PCDH15: variants seen among roughly 807,000 people sequenced by gnomAD.
PCDH15 encodes protocadherin related 15.
PCDH15 carries 129 observed loss-of-function variants against 178.5 expected under a neutral mutation model. The observed-to-expected ratio is 0.72, with a 90% CI of 0.63 to 0.84. PCDH15 has a LOEUF of 0.84. Ranked by LOEUF, PCDH15 falls within the 40% of genes least tolerant of loss-of-function variation. The pLI is 0.00. For synonymous variants in PCDH15, 800 were observed against 732.0 expected, an observed-to-expected ratio of 1.09 and a Z score of -1.50; for missense variants, 2,230 against 2,099.9, an observed-to-expected ratio of 1.06 and a Z score of -1.21.
At chr10:55,415,560 C>G (rs1402592158) in intron 2 of PCDH15, among the ~76,000 whole-genome samples, 2 of 151,596 alleles carry the variant, frequency 1.3e-5, no homozygotes, top group Non-Finnish European at 3.0e-5. Flanking sequence ...GTATGCTAAA[C>G]AAGGGTCACC....
At position 53,908,801 on chromosome 10, in the gene PCDH15, T is replaced by C. The variant is rs142916335; in HGVS notation, c.3374-5431A>G. 1.8e-4 allele frequency among the ~76,000 whole-genome samples: 28 copies of C among 152,334 alleles called. No homozygotes were observed. The East Asian group carries it at 5.4e-3, about 29-fold the overall frequency. On this transcript the variant is annotated intron_variant, in intron 25 of 37. Coordinates refer to ENST00000644397, the MANE Select transcript of PCDH15 (RefSeq NM_001384140.1). ...TTAAAATTGTTATCATGATAAATGA[T>C]TTATAGATTCTTCAAACAGTCCTAT...
At chr10:55,040,440 T>C (rs1002794131) in intron 2 of PCDH15, among the ~76,000 whole-genome samples, 1 of 151,738 alleles carries the variant, frequency 6.6e-6, no homozygotes, top group African/African-American at 2.4e-5. Context: ...CCCAATGCAG[T>C]GAGTGACTTG....
intron 15 of PCDH15, among the ~76,000 whole-genome samples, chr10:54,132,668 T>C (rs1455286691): frequency 2.6e-5 from 4 of 152,326 alleles, no homozygotes; most frequent in Middle Eastern, 3.4e-3. Context: ...AGTTCTTCAA[T>C]TGTGGCGATC....
At chr10:54,961,877 G>T (rs937423718) in intron 2 of PCDH15, among the ~76,000 whole-genome samples, 1 of 152,030 alleles carries the variant, frequency 6.6e-6, no homozygotes, top group African/African-American at 2.4e-5. Context: ...TACTCACTTC[G>T]GGTCTTCTCT....
intron 11 of PCDH15, among the ~76,000 whole-genome samples, chr10:54,190,488 C>G (rs544117934): frequency 6.6e-6 from 1 of 152,296 alleles, no homozygotes; most frequent in African/African-American, 2.4e-5. Context: ...ACTGCAGCCT[C>G]GAACCAGTGG....
intron 26 of PCDH15, among the ~76,000 whole-genome samples, chr10:53,875,431 TCA>T (rs935483025): frequency 2.1e-4 from 32 of 152,118 alleles, no homozygotes; most frequent in African/African-American, 6.7e-4. Context: ...TAAAACTGAC[TCA>T]CTGTGGAAAC....
intron 2 of PCDH15, among the ~76,000 whole-genome samples, chr10:54,557,851 G>A (rs2087508581): frequency 6.6e-6 from 1 of 151,980 alleles, no homozygotes; most frequent in Admixed American, 6.6e-5. Context: ...TTTTGGTTTG[G>A]TCATGGGTTC....
chr10:53,955,534 T>C (rs935386320), intron 23 of PCDH15, among the ~76,000 whole-genome samples: 2 of 152,210 alleles, frequency 1.3e-5, no homozygotes, highest in African/African-American at 2.4e-5. Context: ...ATTTTTCCTA[T>C]GGAATTCAAA....
chr10:53,913,972 T>A (rs2083338819), intron 25 of PCDH15, among the ~76,000 whole-genome samples: 1 of 151,348 alleles, frequency 6.6e-6, no homozygotes, highest in Non-Finnish European at 1.5e-5. Context: ...CAGACACTTT[T>A]CAAAAGAAGA....
intron 1 of PCDH15, among the ~76,000 whole-genome samples, chr10:54,786,813 T>C (rs72796536): frequency 0.074 from 11,248 of 151,904 alleles, 577 homozygotes; most frequent in Middle Eastern, 0.15. Context: ...GAAAACAATT[T>C]ATAGTATTTT....
At chr10:54,480,885 T>C (rs111897007) in intron 3 of PCDH15, among the ~76,000 whole-genome samples, 2,178 of 152,042 alleles carry the variant, frequency 0.014, 63 homozygotes, top group African/African-American at 0.05. Context: ...AAAACACGTA[T>C]TTCTAGAAAA....
intron 1 of PCDH15, among the ~76,000 whole-genome samples, chr10:55,210,345 G>C (rs1591991392): frequency 1.3e-5 from 2 of 151,934 alleles, no homozygotes; most frequent in Non-Finnish European, 1.5e-5. Context: ...GAAAATAGTA[G>C]ATAAATAAAA....
intron 3 of PCDH15, among the ~76,000 whole-genome samples, chr10:54,829,565 G>C (rs1308390427): frequency 6.6e-6 from 1 of 151,974 alleles, no homozygotes; most frequent in Non-Finnish European, 1.5e-5. Context: ...CGAACATCTA[G>C]TAAATGGTAC....
chr10:54,832,930 G>A (rs916830250), intron 3 of PCDH15, among the ~76,000 whole-genome samples: 3 of 152,118 alleles, frequency 2.0e-5, no homozygotes, highest in African/African-American at 7.2e-5. Flanking sequence ...TGCAGGTAAG[G>A]AAACTAAGAC....
chr10:55,266,231 A>G (rs9971326), intron 1 of PCDH15, among the ~76,000 whole-genome samples: 9,415 of 152,020 alleles, frequency 0.062, 334 homozygotes, highest in Middle Eastern at 0.19. Context: ...CCTAGAAGCC[A>G]TAAAACTCCA....
At chr10:55,096,513 C>T (rs762174596) in intron 2 of PCDH15, among the ~76,000 whole-genome samples, 6 of 152,076 alleles carry the variant, frequency 3.9e-5, no homozygotes, top group Non-Finnish European at 7.4e-5. Flanking sequence ...TTAAGATCTA[C>T]TTTTAGCAAA....
chr10:54,161,001 A>G (rs1242922362), intron 13 of PCDH15, among the ~76,000 whole-genome samples: 1 of 152,198 alleles, frequency 6.6e-6, no homozygotes, highest in Non-Finnish European at 1.5e-5. Context: ...GTAATCTAGC[A>G]CTTTTCGTAA....
chr10:55,156,509 A>T lies in PCDH15; in HGVS notation c.-80+10067T>A, dbSNP rs190496717. On this transcript the variant is annotated intron_variant, in intron 2 of 5. Coordinates refer to the PCDH15 transcript ENST00000458638. ...TTTAACCTAATAGTTCATGAGGACA[A>T]ATTTATTTTATTCACTCATGGGAGA... is the stretch of plus-strand genomic sequence containing the variant. Among the ~76,000 whole-genome samples the T allele has an allele frequency of 8.5e-5, 13 of 152,196 alleles. 1 individual carries two copies. In the East Asian group the frequency reaches 2.5e-3, roughly 29 times the overall value.
chr10:54,872,669 T>C (rs138313897), intron 3 of PCDH15, among the ~76,000 whole-genome samples: 1 of 152,194 alleles, frequency 6.6e-6, no homozygotes, highest in Non-Finnish European at 1.5e-5. Context: ...CAAACCATGA[T>C]TTCCTCATCA....
Sources: allele counts gnomAD v4.1 joint callset (sites outside exome capture counted in the v4.1 genomes callset), GRCh38; gene constraint gnomAD v4.1.1; transcripts MANE v1.5; gene names NCBI Gene and HGNC (gene_info 2026-07-23, HGNC 2026-07-21).